The following DNAJC24 variants were observed in gnomAD, a reference collection of about 807,000 sequenced individuals.
DNAJC24 encodes dnaJ homolog subfamily C member 24.
DNAJC24 carries 17 observed loss-of-function variants against 18.0 expected under a neutral mutation model. The ratio of observed to expected loss-of-function variants is 0.94; its 90% CI spans 0.65 to 1.42. The LOEUF is 1.42. Ranked by LOEUF, DNAJC24 falls within the 40% of genes most tolerant of loss-of-function variation. The pLI, the probability that DNAJC24 is intolerant of heterozygous loss-of-function variation, is 0.00. For synonymous variants in DNAJC24, 55 were observed against 57.7 expected (o/e 0.95, Z 0.21); for missense variants, 158 against 175.6 (o/e 0.90, Z 0.57).
intron 4 of DNAJC24, among the ~76,000 whole-genome samples, chr11:31,428,842 A>G (rs1430399413): frequency 6.6e-6 from 1 of 152,156 alleles, no homozygotes; most frequent in Non-Finnish European, 1.5e-5. Flanking sequence ...CTTTTACAAG[A>G]TGTGAATTTT....
chr11:31,409,085 T>A (rs1423517781), intron 2 of DNAJC24, among the ~76,000 whole-genome samples: 1 of 152,370 alleles, frequency 6.6e-6, no homozygotes, highest in East Asian at 1.9e-4. Context: ...CATAAACTAG[T>A]GTGTAATTCA....
At chr11:31,409,584 T>C (rs769348457) in intron 2 of DNAJC24, among the ~76,000 whole-genome samples, 3 of 152,230 alleles carry the variant, frequency 2.0e-5, no homozygotes. Context: ...TAATTTGTTC[T>C]TTTTTAATTG....
chr11:31,408,815 A>G (rs1591915512), intron 2 of DNAJC24, among the ~76,000 whole-genome samples: 2 of 152,220 alleles, frequency 1.3e-5, no homozygotes, highest in African/African-American at 4.8e-5. Flanking sequence ...TGAGGAAATT[A>G]CTTAGATCAT....
intron 3 of DNAJC24, chr11:31,415,408 T>C (rs1466881297): frequency 6.6e-6 from 1 of 152,414 alleles, no homozygotes; most frequent in Non-Finnish European, 1.5e-5. Flanking sequence ...ATTATCTTCA[T>C]GATAAACTAT....
At chr11:31,417,188 CA>C (rs1381718007) in intron 3 of DNAJC24, 2 of 151,996 alleles carry the variant, frequency 1.3e-5, no homozygotes, top group Non-Finnish European at 2.9e-5. Context: ...CCAGAGGCTC[CA>C]AATACTGACA....
Position 31,394,076 on chromosome 11 carries a change from T to A in DNAJC24, c.112-20735T>A, listed in dbSNP as rs371499167. 2.0e-5 allele frequency among the ~76,000 whole-genome samples: 3 copies of A among 152,216 alleles called. No individual in the cohort carries two copies. In the East Asian group the frequency reaches 5.8e-4, roughly 29 times the overall value. On this transcript the variant is annotated intron_variant, in intron 2 of 4. Transcript: ENST00000465995. ...TTAGGGCCAACAGCACTGTAACTCA[T>A]GCCTGAGTGACACTTACCTAAGCAT...
chr11:31,426,580 A>G (rs1031947807), intron 4 of DNAJC24: 3 of 385,270 alleles, frequency 7.8e-6, no homozygotes, highest in Non-Finnish European at 1.4e-5. Context: ...TTATATTCTA[A>G]TTAGATGTTA....
intron 1 of DNAJC24, among the ~76,000 whole-genome samples, chr11:31,370,247 G>C (rs1952203459): frequency 6.6e-6 from 1 of 152,130 alleles, no homozygotes; most frequent in Non-Finnish European, 1.5e-5. Context: ...CAATCTGGAG[G>C]AAAAGCAAAC....
intron 2 of DNAJC24, among the ~76,000 whole-genome samples, chr11:31,388,369 G>T (rs1952452371): frequency 6.6e-6 from 1 of 152,134 alleles, no homozygotes. Context: ...AAAGCAGCAA[G>T]AGAAAAGAAT....
At chr11:31,416,028 T>C (rs1328817996) in intron 3 of DNAJC24, 3 of 152,234 alleles carry the variant, frequency 2.0e-5, no homozygotes, top group Non-Finnish European at 2.9e-5. Context: ...GTGATACTTC[T>C]GTGTGGAAAG....
At chr11:31,429,822 G>T (rs1222467188) in intron 4 of DNAJC24, 4 of 158,822 alleles carry the variant, frequency 2.5e-5, no homozygotes, top group Non-Finnish European at 5.6e-5. Context: ...TAAATAGTCT[G>T]GCTTTCTCTA....
chr11:31,426,398 G>A, intron 4 of DNAJC24, 43 bp downstream of exon 4: 1 of 1,139,662 alleles, frequency 8.8e-7, no homozygotes, highest in Non-Finnish European at 1.3e-6. Context: ...AAAAAAAAAG[G>A]AATTTTCTAT....
intron 2 of DNAJC24, among the ~76,000 whole-genome samples, chr11:31,410,346 CTG>C (rs1185566084): frequency 1.6e-4 from 24 of 152,226 alleles, no homozygotes; most frequent in African/African-American, 5.5e-4. Flanking sequence ...GAAAAAGTAT[CTG>C]TTCAATTTTA....
chr11:31,399,927 A>T (rs1952584273), intron 2 of DNAJC24, among the ~76,000 whole-genome samples: 1 of 150,878 alleles, frequency 6.6e-6, no homozygotes. Context: ...CCACCTCTCA[A>T]CAGGCCCTGG....
intron 4 of DNAJC24, among the ~76,000 whole-genome samples, chr11:31,428,862 T>C (rs1952891136): frequency 6.6e-6 from 1 of 152,174 alleles, no homozygotes; most frequent in South Asian, 2.1e-4. Flanking sequence ...TTAGTGAGCA[T>C]TAACATTTGG....
At chr11:31,399,739 C>CTTTT (rs757871094) in intron 2 of DNAJC24, among the ~76,000 whole-genome samples, 38 of 97,022 alleles carry the variant, frequency 3.9e-4, no homozygotes, top group Non-Finnish European at 5.2e-4. Flanking sequence ...ACTGTTTTTT[C>CTTTT]TTTTTTTTTT....
At chr11:31,386,889 G>T (rs1172028925) in intron 2 of DNAJC24, among the ~76,000 whole-genome samples, 2 of 152,030 alleles carry the variant, frequency 1.3e-5, no homozygotes, top group Non-Finnish European at 2.9e-5. Context: ...GAGACCCCGG[G>T]CTGGCAGCAT....
chr11:31,428,548 A>G (rs1952887957), intron 4 of DNAJC24, among the ~76,000 whole-genome samples: 1 of 152,190 alleles, frequency 6.6e-6, no homozygotes, highest in South Asian at 2.1e-4. Flanking sequence ...ATAGCTATGG[A>G]AAGTGAAGCT....
chr11:31,411,803 A>G (rs1032344232), intron 2 of DNAJC24, among the ~76,000 whole-genome samples: 1 of 152,202 alleles, frequency 6.6e-6, no homozygotes, highest in Admixed American at 6.5e-5. Flanking sequence ...AAATAAAGTA[A>G]CATTTACAGG....
Sources: allele counts gnomAD v4.1 joint callset (sites outside exome capture counted in the v4.1 genomes callset), GRCh38; gene constraint gnomAD v4.1.1; transcripts MANE v1.5; gene names NCBI Gene and HGNC (gene_info 2026-07-23, HGNC 2026-07-21).